The following PHACTR1 variants were observed in gnomAD, a reference collection of about 807,000 sequenced individuals.
PHACTR1 encodes the protein RPEL repeat containing 1.
Under a neutral mutation model 69.2 loss-of-function variants are expected in PHACTR1, and 16 were observed. The observed-to-expected ratio is 0.23, with a 90% CI of 0.16 to 0.35. PHACTR1 has a LOEUF of 0.35. Among genes scored for constraint, PHACTR1 ranks in the 10% least tolerant of loss-of-function variants. The probability of loss-of-function intolerance (pLI) is 1.00; values close to 1 mark genes in which losing one functional copy is unlikely to be tolerated. For synonymous variants in PHACTR1, 312 were observed against 284.5 expected (o/e 1.10, Z -0.97); for missense variants, 510 against 734.7 (o/e 0.69, Z 3.54).
At chr6:12,776,023 G>C (rs1770018780) in intron 4 of PHACTR1, among the ~76,000 whole-genome samples, 1 of 152,228 alleles carries the variant, frequency 6.6e-6, no homozygotes, top group Non-Finnish European at 1.5e-5. Context: ...CCAGTCTTAA[G>C]AGTCCACTCA....
chr6:12,944,087 A>G (rs147102146), intron 4 of PHACTR1, among the ~76,000 whole-genome samples: 2 of 152,330 alleles, frequency 1.3e-5, no homozygotes, highest in Non-Finnish European at 2.9e-5. Flanking sequence ...TTTGTTAATT[A>G]AGAGACATTA....
chr6:12,927,838 G>C (rs1788432380), intron 4 of PHACTR1, among the ~76,000 whole-genome samples: 1 of 152,190 alleles, frequency 6.6e-6, no homozygotes, highest in African/African-American at 2.4e-5. Flanking sequence ...TTCTGCACAG[G>C]AACAGGGCGA....
chr6:12,860,726 T>C (rs777347516), intron 4 of PHACTR1, among the ~76,000 whole-genome samples: 4 of 152,220 alleles, frequency 2.6e-5, no homozygotes, highest in Non-Finnish European at 5.9e-5. Context: ...GTGGTTTTGA[T>C]TTGCATTTCT....
intron 4 of PHACTR1, among the ~76,000 whole-genome samples, chr6:12,844,458 A>T (rs1779002265): frequency 2.6e-5 from 4 of 152,076 alleles, no homozygotes; most frequent in Admixed American, 2.6e-4. Context: ...CAACTATCGC[A>T]CTGTGAGGTC....
chr6:12,997,333 ATATATATAAGTAAATCTATAT>A (rs766414429), intron 4 of PHACTR1, among the ~76,000 whole-genome samples: 26 of 147,844 alleles, frequency 1.8e-4, no homozygotes, highest in Non-Finnish European at 3.6e-4. Flanking sequence ...AATATATTTT[ATATATATAAGTAAATCTATAT>A]TATATATAAG....
At chr6:13,116,797 T>C (rs1036686180) in intron 5 of PHACTR1, among the ~76,000 whole-genome samples, 1 of 152,210 alleles carries the variant, frequency 6.6e-6, no homozygotes, top group East Asian at 1.9e-4. Context: ...TTTATTTGAG[T>C]GATCTCATTT....
intron 4 of PHACTR1, among the ~76,000 whole-genome samples, chr6:12,969,978 A>C (rs1185766086): frequency 6.6e-6 from 1 of 152,190 alleles, no homozygotes; most frequent in Non-Finnish European, 1.5e-5. Flanking sequence ...AAAAAACAAA[A>C]AACAAAACAA....
chr6:12,918,296 T>C (rs141253456), intron 4 of PHACTR1, among the ~76,000 whole-genome samples: 2 of 152,102 alleles, frequency 1.3e-5, no homozygotes, highest in Non-Finnish European at 2.9e-5. Flanking sequence ...GGGGAAACAC[T>C]AGGCTGACAT....
At chr6:12,821,478 A>T (rs932913888) in intron 4 of PHACTR1, among the ~76,000 whole-genome samples, 1 of 92,238 alleles carries the variant, frequency 1.1e-5, no homozygotes, top group African/African-American at 3.9e-5. Flanking sequence ...AAAAAAAAAA[A>T]AAAAAAGAGA....
At chr6:13,199,815 A>T (rs1290295969) in intron 7 of PHACTR1, among the ~76,000 whole-genome samples, 1 of 152,222 alleles carries the variant, frequency 6.6e-6, no homozygotes, top group African/African-American at 2.4e-5. Flanking sequence ...GATATAAGAC[A>T]TCTTATCATT....
At chr6:12,930,388 TGGAA>T (rs1788738908) in intron 4 of PHACTR1, among the ~76,000 whole-genome samples, 1 of 152,122 alleles carries the variant, frequency 6.6e-6, no homozygotes, top group Admixed American at 6.6e-5. Flanking sequence ...TGGGGATACA[TGGAA>T]AGAAAGAGAA....
At chr6:13,074,570 G>A (rs1810112107) in intron 5 of PHACTR1, among the ~76,000 whole-genome samples, 2 of 152,232 alleles carry the variant, frequency 1.3e-5, no homozygotes, top group African/African-American at 4.8e-5. Context: ...AAGAGAGGCT[G>A]CAAAGTTTCA....
intron 4 of PHACTR1, among the ~76,000 whole-genome samples, chr6:12,784,617 A>G (rs1266125477): frequency 6.6e-6 from 1 of 151,390 alleles, no homozygotes; most frequent in Non-Finnish European, 1.5e-5. Flanking sequence ...CACATATATG[A>G]TGATAAACAT....
chr6:13,067,081 AG>A (rs894993350), intron 5 of PHACTR1, among the ~76,000 whole-genome samples: 4 of 152,308 alleles, frequency 2.6e-5, no homozygotes, highest in Non-Finnish European at 2.9e-5. Context: ...CCTTCTTCCC[AG>A]GTAGAATGTG....
intron 10 of PHACTR1, among the ~76,000 whole-genome samples, chr6:13,239,094 C>T (rs1037058344): frequency 3.3e-5 from 5 of 152,094 alleles, no homozygotes; most frequent in African/African-American, 4.8e-5. Flanking sequence ...AGGAGAGAAA[C>T]GGAAAGACCG....
At chr6:12,939,809 G>GT (rs1364981294) in intron 4 of PHACTR1, among the ~76,000 whole-genome samples, 1 of 152,096 alleles carries the variant, frequency 6.6e-6, no homozygotes, top group African/African-American at 2.4e-5. Context: ...ATGCCAAACT[G>GT]TTTCTTGTTG....
intron 4 of PHACTR1, among the ~76,000 whole-genome samples, chr6:12,815,889 G>C (rs978495403): frequency 3.9e-5 from 6 of 152,156 alleles, no homozygotes; most frequent in African/African-American, 7.2e-5. Flanking sequence ...TCTTCTAGGG[G>C]AACAAGGCAG....
chr6:12,856,140 C>T (rs1348123476), intron 4 of PHACTR1, among the ~76,000 whole-genome samples: 1 of 152,118 alleles, frequency 6.6e-6, no homozygotes, highest in African/African-American at 2.4e-5. Flanking sequence ...TTCTTGGGAC[C>T]CTAGGGGAGT....
intron 4 of PHACTR1, chr6:12,933,511 G>T: frequency 2.0e-6 from 3 of 1,476,794 alleles, no homozygotes; most frequent in Non-Finnish European, 1.8e-6. Flanking sequence ...GCAGCAAACA[G>T]ATCGGTTAGA....
Sources: allele counts gnomAD v4.1 joint callset (sites outside exome capture counted in the v4.1 genomes callset), GRCh38; gene constraint gnomAD v4.1.1; transcripts MANE v1.5; gene names NCBI Gene and HGNC (gene_info 2026-07-23, HGNC 2026-07-21).